PAX7: variants seen among roughly 807,000 people sequenced by gnomAD.
PAX7 encodes paired box protein Pax-7.
Under a neutral mutation model 50.7 loss-of-function variants are expected in PAX7, and 18 were observed. That is an observed-to-expected ratio of 0.36 (90% CI 0.25 to 0.53). The LOEUF (loss-of-function observed/expected upper bound fraction) is 0.53, where lower values mean the gene tolerates loss of function less well. Among genes scored for constraint, PAX7 ranks in the 20% least tolerant of loss-of-function variants. PAX7 has a pLI of 0.93. For missense variants in PAX7, 644 were observed against 702.9 expected (o/e 0.92, Z 0.95); for synonymous variants, 310 against 290.4 (o/e 1.07, Z -0.69).
Position 18,635,000 on chromosome 1 carries a change from G to T in PAX7, c.322-111G>T, listed in dbSNP as rs1570099638. On this transcript the variant is annotated intron_variant, in intron 2 of 8. Coordinates refer to ENST00000420770, the MANE Select transcript of PAX7 (RefSeq NM_001135254.2). The surrounding 1 kb of genome is among the most constrained non-coding windows in gnomAD (Gnocchi z 4.0). The stretch of plus-strand genomic sequence containing the variant: ...TCTCTTGGGGGATGGGGGGACACAA[G>T]GTAACCAGAACCACCAGCCTGGTCT... 1 of 1,351,158 alleles carries T rather than the reference G, an allele frequency of 7.4e-7. No homozygotes were observed. The highest frequency in any genetic ancestry group is 2.4e-5 in the East Asian group (1 of 40,854). The allele number at this position is 1,351,158 out of a possible 1,614,324, so 83.7% of individuals were successfully genotyped here.
chr1:18,697,844 G>A (rs2089168465), intron 5 of PAX7, among the ~76,000 whole-genome samples: 1 of 152,018 alleles, frequency 6.6e-6, no homozygotes, highest in South Asian at 2.1e-4. Context: ...AAAAGCAGCT[G>A]CTCTTTGACT....
intron 4 of PAX7, among the ~76,000 whole-genome samples, chr1:18,643,812 G>T (rs919178465): frequency 6.6e-6 from 1 of 152,232 alleles, no homozygotes; most frequent in Non-Finnish European, 1.5e-5. Flanking sequence ...AATTAGAGGC[G>T]AGCGAGCTGG....
intron 7 of PAX7, among the ~76,000 whole-genome samples, chr1:18,723,277 A>G (rs1006695859): frequency 3.3e-5 from 5 of 152,152 alleles, no homozygotes; most frequent in African/African-American, 1.2e-4. Flanking sequence ...TATAGAGTTT[A>G]ATGTATTCTC....
At chr1:18,659,465 G>A (rs781525622) in intron 4 of PAX7, among the ~76,000 whole-genome samples, 4 of 152,168 alleles carry the variant, frequency 2.6e-5, no homozygotes, top group African/African-American at 9.7e-5. Context: ...GAGGGGGCCT[G>A]AAAAGGGAGT....
chr1:18,694,461 AAAAT>A (rs61364336), intron 5 of PAX7, among the ~76,000 whole-genome samples: 26,782 of 139,490 alleles, frequency 0.19, 2,564 homozygotes, highest in Non-Finnish European at 0.2. Flanking sequence ...CTCTGTCTCG[AAAAT>A]AAATAAATAA....
chr1:18,725,757 A>G (rs1472584774), intron 7 of PAX7, among the ~76,000 whole-genome samples: 3 of 152,022 alleles, frequency 2.0e-5, no homozygotes, highest in Non-Finnish European at 4.4e-5. Flanking sequence ...CCATTTATCG[A>G]GCCATCAGAG....
chr1:18,713,840 T>C (rs970988795), intron 7 of PAX7, among the ~76,000 whole-genome samples: 1 of 152,126 alleles, frequency 6.6e-6, no homozygotes, highest in African/African-American at 2.4e-5. Context: ...GCAAATGACA[T>C]GGCAGATGTG....
At chr1:18,695,131 C>T (rs532237022) in intron 5 of PAX7, among the ~76,000 whole-genome samples, 5 of 152,044 alleles carry the variant, frequency 3.3e-5, no homozygotes, top group African/African-American at 1.2e-4. Context: ...CTTACCCTTT[C>T]CACCCTCCAC....
At chr1:18,696,664 A>G (rs182769604) in intron 5 of PAX7, among the ~76,000 whole-genome samples, 11 of 152,262 alleles carry the variant, frequency 7.2e-5, no homozygotes, top group Admixed American at 6.5e-4. Context: ...CAAACTTCAC[A>G]TGTTCTCATT....
intron 7 of PAX7, among the ~76,000 whole-genome samples, chr1:18,730,328 A>G (rs1277678294): frequency 6.6e-6 from 1 of 152,194 alleles, no homozygotes. Context: ...TGACTGGTCC[A>G]GGCCCAGTGC....
At chr1:18,727,623 G>A (rs2089591508) in intron 7 of PAX7, among the ~76,000 whole-genome samples, 1 of 152,174 alleles carries the variant, frequency 6.6e-6, no homozygotes, top group Admixed American at 6.5e-5. Context: ...ACTTCCTAGA[G>A]TCATGATGAG....
At chr1:18,658,051 T>C (rs753564898) in intron 4 of PAX7, among the ~76,000 whole-genome samples, 7 of 152,202 alleles carry the variant, frequency 4.6e-5, no homozygotes, top group Non-Finnish European at 7.3e-5. Context: ...GACAACAGCT[T>C]GTTAAAAGGA....
chr1:18,736,104 C>T (rs2089710055), intron 8 of PAX7: 1 of 711,694 alleles, frequency 1.4e-6, no homozygotes, highest in Non-Finnish European at 2.4e-6. Context: ...CGTACTATGG[C>T]TCCAACAGAA....
intron 4 of PAX7, among the ~76,000 whole-genome samples, chr1:18,653,743 A>G (rs1174237036): frequency 6.6e-6 from 1 of 151,892 alleles, no homozygotes; most frequent in Non-Finnish European, 1.5e-5. Context: ...TAGAGAGGCC[A>G]AGTCATCTGC....
At position 18,634,159 on chromosome 1, in the gene PAX7, G is replaced by T. The variant is rs2088105530; in HGVS notation, c.86-144G>T. ...TTTCTCAAACTACCTACCTACCGAA[G>T]CCCCAGTGTGAGGACCACCGGGATT... On this transcript the variant is annotated intron_variant, in intron 1 of 8. Coordinates refer to ENST00000420770, the MANE Select transcript of PAX7 (RefSeq NM_001135254.2). This position sits in a 1 kb window ranked among gnomAD's most constrained non-coding sequence, Gnocchi z 4.0. 3.2e-6 allele frequency: 2 copies of T among 624,880 alleles called. No homozygotes were observed. The highest frequency in any genetic ancestry group is 2.8e-5 in the East Asian group (1 of 36,348). 38.7% of individuals were successfully genotyped at this position (624,880 alleles called of 1,614,324 possible). A position where few individuals can be genotyped will look rare whatever the true frequency, so the allele number is the denominator to read the frequency against.
At chr1:18,740,153 G>A (rs771476278) in intron 8 of PAX7, among the ~76,000 whole-genome samples, 20 of 152,204 alleles carry the variant, frequency 1.3e-4, no homozygotes, top group African/African-American at 2.7e-4. Flanking sequence ...AGGGAGGGCC[G>A]TTGACGGAGG....
Position 18,636,097 on chromosome 1 carries a change from A to ATT in PAX7, c.452-139_452-138insTT. The ATT allele has an allele frequency of 2.3e-6, 2 of 873,608 alleles. No individual in the cohort carries two copies. The highest frequency in any genetic ancestry group is 3.6e-6 in the Non-Finnish European group (2 of 553,364). 54.1% of individuals were successfully genotyped at this position (873,608 alleles called of 1,614,324 possible). A position where few individuals can be genotyped will look rare whatever the true frequency, so the allele number is the denominator to read the frequency against. ...TTATGGAGTACGTGTCAATGCCTAA[A>ATT]TGCCTGTGTGTGGAAGAGGGATGAA... On this transcript the variant is annotated intron_variant, in intron 3 of 8. Coordinates refer to ENST00000420770, the MANE Select transcript of PAX7 (RefSeq NM_001135254.2). The surrounding 1 kb of genome is among the most constrained non-coding windows in gnomAD (Gnocchi z 5.1).
rs370985163 is a variant in PAX7, at chr1:18,637,098, CG to C, written c.586+730del. The stretch of plus-strand genomic sequence containing the variant: ...CTCCCCATTCTTAGCACGGCTTCCG[CG>C]GGCAGGCTGGAGTCTGAGTCCTGCG... On this transcript the variant is annotated intron_variant, in intron 4 of 8. Transcript: ENST00000420770. Among the ~76,000 whole-genome samples the C allele has an allele frequency of 1.5e-3, 229 of 152,238 alleles. 1 individual carries two copies. The highest frequency in any genetic ancestry group is 9.8e-3 in the South Asian group (47 of 4,818).
chr1:18,633,245 C>T (rs1177172003), intron 1 of PAX7, among the ~76,000 whole-genome samples: 1 of 152,214 alleles, frequency 6.6e-6, no homozygotes, highest in African/African-American at 2.4e-5. Context: ...TCAGCTCCCT[C>T]CACTCCCGCG....
Sources: allele counts gnomAD v4.1 joint callset (sites outside exome capture counted in the v4.1 genomes callset), GRCh38; gene constraint gnomAD v4.1.1; non-coding constraint Gnocchi (gnomAD v3.1); transcripts MANE v1.5; gene names NCBI Gene and HGNC (gene_info 2026-07-23, HGNC 2026-07-21).